The following RPTOR variants were observed in gnomAD, a reference collection of about 807,000 sequenced individuals.
RPTOR encodes regulatory associated protein of MTOR complex 1, also known as regulatory-associated protein of mTOR.
In RPTOR, 21 loss-of-function variants were observed where a neutral mutation model predicts 169.9. That is an observed-to-expected ratio of 0.12 (90% CI 0.09 to 0.18). The LOEUF (loss-of-function observed/expected upper bound fraction) is 0.18, where lower values mean the gene tolerates loss of function less well. Ranked by LOEUF, RPTOR falls within the 10% of genes least tolerant of loss-of-function variation. The pLI, the probability that RPTOR is intolerant of heterozygous loss-of-function variation, is 1.00. For missense variants in RPTOR, 1,133 were observed against 1,855.9 expected (o/e 0.61, Z 7.16); for synonymous variants, 732 against 753.2 (o/e 0.97, Z 0.46).
At chr17:80,850,619 G>T (rs936738468) in intron 11 of RPTOR, among the ~76,000 whole-genome samples, 1 of 152,202 alleles carries the variant, frequency 6.6e-6, no homozygotes, top group Admixed American at 6.5e-5. Flanking sequence ...TTTCCTAGAT[G>T]TCACAGATCA....
chr17:80,683,988 C>T (rs1240966764), intron 3 of RPTOR, among the ~76,000 whole-genome samples: 1 of 152,174 alleles, frequency 6.6e-6, no homozygotes, highest in East Asian at 1.9e-4. Flanking sequence ...CCTGGTGCCA[C>T]AATACACAGG....
At chr17:80,652,744 C>A (rs529765830) in intron 3 of RPTOR, among the ~76,000 whole-genome samples, 23 of 152,314 alleles carry the variant, frequency 1.5e-4, no homozygotes, top group Admixed American at 3.3e-4. Context: ...GTGTGGGCCC[C>A]TGCCCACTAG....
intron 2 of RPTOR, among the ~76,000 whole-genome samples, chr17:80,628,278 A>G (rs752223107): frequency 2.6e-5 from 4 of 152,180 alleles, no homozygotes; most frequent in Middle Eastern, 3.2e-3. Flanking sequence ...CCAAGTTTCT[A>G]TCTGGTATCA....
intron 5 of RPTOR, among the ~76,000 whole-genome samples, chr17:80,743,889 ACTGTCCTGGTTAC>A: frequency 9.8e-6 from 1 of 102,006 alleles, no homozygotes; most frequent in African/African-American, 4.2e-5. Flanking sequence ...GGCTACTAGC[ACTGTCCTGGTTAC>A]GAGCACAGCC....
chr17:80,918,432 G>T (rs2068701301), intron 21 of RPTOR, among the ~76,000 whole-genome samples: 1 of 124,856 alleles, frequency 8.0e-6, no homozygotes, highest in Non-Finnish European at 1.7e-5. Context: ...ATAGCCACGA[G>T]CACCCTCGCC....
At chr17:80,608,255 A>G (rs1245089059) in intron 1 of RPTOR, among the ~76,000 whole-genome samples, 1 of 152,198 alleles carries the variant, frequency 6.6e-6, no homozygotes, top group East Asian at 1.9e-4. Flanking sequence ...ATGGCAGCAA[A>G]TAGGAATTTA....
rs1463296688 is a variant in RPTOR, at chr17:80,845,956, C to CTGGCCCCAGCG, written c.1213-517_1213-516insTGGCCCCAGCG. 6.6e-6 allele frequency among the ~76,000 whole-genome samples: 1 copy of CTGGCCCCAGCG among 152,198 alleles called. No individual in the cohort carries two copies. Among genetic ancestry groups the CTGGCCCCAGCG allele is most frequent in the African/African-American group, 2.4e-5 (1 of 41,436 alleles). On this transcript the variant is annotated intron_variant, in intron 10 of 33. Coordinates refer to ENST00000306801, the MANE Select transcript of RPTOR (RefSeq NM_020761.3). This position sits in a 1 kb window ranked among gnomAD's most constrained non-coding sequence, Gnocchi z 5.4. ...CTTTCCCTCCACTGCCGGGCCCTCA[C>CTGGCCCCAGCG]CGGCCCCAGCGCGGCCCCAGCTCAT...
intron 3 of RPTOR, among the ~76,000 whole-genome samples, chr17:80,685,973 G>T (rs997037017): frequency 2.6e-5 from 4 of 151,974 alleles, no homozygotes; most frequent in African/African-American, 7.2e-5. Flanking sequence ...GTCATCCTGT[G>T]CCTGGAGGGA....
chr17:80,601,061 T>TA (rs1358485507), intron 1 of RPTOR, among the ~76,000 whole-genome samples: 1 of 152,156 alleles, frequency 6.6e-6, no homozygotes, highest in Non-Finnish European at 1.5e-5. Context: ...GAGGACGACA[T>TA]ACCGTTCACC....
intron 7 of RPTOR, among the ~76,000 whole-genome samples, chr17:80,809,441 C>G (rs2067251398): frequency 6.6e-6 from 1 of 152,240 alleles, no homozygotes; most frequent in African/African-American, 2.4e-5. Flanking sequence ...ATCCACCCAC[C>G]TCGGCCACCC....
chr17:80,764,160 ATTTTATTTTATT>A (rs1453927480), intron 6 of RPTOR, among the ~76,000 whole-genome samples: 1,607 of 131,468 alleles, frequency 0.012, 25 homozygotes, highest in Middle Eastern at 0.041. Flanking sequence ...ATTTTATTTT[ATTTTATTTTATT>A]TTATTATTAT....
At chr17:80,566,811 G>A (rs1168539337) in intron 1 of RPTOR, among the ~76,000 whole-genome samples, 2 of 105,016 alleles carry the variant, frequency 1.9e-5, no homozygotes, top group Non-Finnish European at 3.5e-5. Flanking sequence ...GCGACAGAGC[G>A]AGACTCCGTC....
chr17:80,902,146 C>G (rs551004501), intron 20 of RPTOR, among the ~76,000 whole-genome samples: 67 of 152,320 alleles, frequency 4.4e-4, no homozygotes, highest in Non-Finnish European at 8.4e-4. Context: ...TCCAGTGCCC[C>G]CATCCCACCA....
chr17:80,784,852 C>A (rs184312495), intron 6 of RPTOR, among the ~76,000 whole-genome samples: 2 of 152,214 alleles, frequency 1.3e-5, no homozygotes, highest in East Asian at 3.9e-4. Context: ...GTGTCCGCCA[C>A]CACGCCTGGC....
chr17:80,778,603 C>T (rs1598298483), intron 6 of RPTOR, among the ~76,000 whole-genome samples: 1 of 152,148 alleles, frequency 6.6e-6, no homozygotes, highest in Admixed American at 6.5e-5. Context: ...TTGAGACCAG[C>T]CTGGGCAACA....
chr17:80,878,422 C>A lies in RPTOR; in HGVS notation c.1510-1993C>A, dbSNP rs556317258. On this transcript the variant is annotated intron_variant, in intron 13 of 33. Coordinates refer to ENST00000306801, the MANE Select transcript of RPTOR (RefSeq NM_020761.3). The surrounding 1 kb of genome is among the most constrained non-coding windows in gnomAD (Gnocchi z 4.1). ...AATGCAGTGGTGCGATCTCAGCTCA[C>A]TACAGCCTCCGCCTCCCAGGTTCCA... Among the ~76,000 whole-genome samples the A allele has an allele frequency of 1.3e-5, 2 of 152,222 alleles. No homozygotes were observed. The highest frequency in any genetic ancestry group is 4.8e-5 in the African/African-American group (2 of 41,552).
chr17:80,752,304 T>C (rs1020793827), intron 5 of RPTOR, among the ~76,000 whole-genome samples: 1 of 152,224 alleles, frequency 6.6e-6, no homozygotes, highest in Non-Finnish European at 1.5e-5. Flanking sequence ...CCAGGGCCCA[T>C]GGGGCCTCCC....
intron 14 of RPTOR, among the ~76,000 whole-genome samples, chr17:80,881,358 C>T (rs1158888334): frequency 6.6e-6 from 1 of 152,222 alleles, no homozygotes; most frequent in Non-Finnish European, 1.5e-5. Flanking sequence ...GTTTTGGAAA[C>T]CATCACTTCC....
At chr17:80,874,822 C>T (rs903156011) in intron 13 of RPTOR, among the ~76,000 whole-genome samples, 2 of 152,178 alleles carry the variant, frequency 1.3e-5, no homozygotes, top group African/African-American at 4.8e-5. Flanking sequence ...AACACACCAC[C>T]GAAGGCTCAC....
Sources: allele counts gnomAD v4.1 joint callset (sites outside exome capture counted in the v4.1 genomes callset), GRCh38; gene constraint gnomAD v4.1.1; non-coding constraint Gnocchi (gnomAD v3.1); transcripts MANE v1.5; gene names NCBI Gene and HGNC (gene_info 2026-07-23, HGNC 2026-07-21).